TMEM131: variants seen among roughly 807,000 people sequenced by gnomAD.
TMEM131 encodes the protein 2610524E03Rik.
In TMEM131, 66 loss-of-function variants were observed where a neutral mutation model predicts 211.6. That is an observed-to-expected ratio of 0.31 (90% CI 0.26 to 0.38). The LOEUF is 0.38. TMEM131 is among the 10% of genes least tolerant of loss of function. The pLI, the probability that TMEM131 is intolerant of heterozygous loss-of-function variation, is 1.00. For missense variants in TMEM131, 2,036 were observed against 2,299.3 expected (o/e 0.89, Z 2.34); for synonymous variants, 844 against 841.3 (o/e 1.00, Z -0.06).
At chr2:97,948,686 C>T (rs1164434993) in intron 1 of TMEM131, among the ~76,000 whole-genome samples, 1 of 152,052 alleles carries the variant, frequency 6.6e-6, no homozygotes, top group Non-Finnish European at 1.5e-5. Flanking sequence ...GAGACGGAGC[C>T]TCGCGCTGTC....
chr2:97,821,669 A>G (rs560137100), intron 11 of TMEM131, among the ~76,000 whole-genome samples: 1 of 152,320 alleles, frequency 6.6e-6, no homozygotes, highest in East Asian at 1.9e-4. Context: ...GGAAGGGACT[A>G]TCGCCAAGCA....
At chr2:97,979,228 A>G (rs1363934189) in intron 1 of TMEM131, among the ~76,000 whole-genome samples, 5 of 152,262 alleles carry the variant, frequency 3.3e-5, no homozygotes, top group African/African-American at 4.8e-5. Context: ...TAGATTTAGC[A>G]TAATTCTTAA....
intron 1 of TMEM131, among the ~76,000 whole-genome samples, chr2:97,969,773 T>C (rs1573631756): frequency 6.6e-6 from 1 of 152,364 alleles, no homozygotes; most frequent in South Asian, 2.1e-4. Flanking sequence ...CTCCTACAAG[T>C]AGCTGATATC....
At chr2:97,962,498 C>T (rs939145082) in intron 1 of TMEM131, among the ~76,000 whole-genome samples, 3 of 151,566 alleles carry the variant, frequency 2.0e-5, no homozygotes, top group African/African-American at 4.8e-5. Context: ...AGTGAGACTC[C>T]GTCTCAAAAA....
intron 1 of TMEM131, among the ~76,000 whole-genome samples, chr2:97,964,342 G>C (rs1359412713): frequency 6.6e-6 from 1 of 152,166 alleles, no homozygotes; most frequent in Non-Finnish European, 1.5e-5. Flanking sequence ...TTTTGCTCAT[G>C]TCACTTCCTA....
rs1222506501 is a variant in TMEM131 at position 97,797,353 on chromosome 2, C to T, written c.2870+12G>A. On this transcript the variant is annotated intron_variant, in intron 26 of 40. Transcript: ENST00000186436. ...AGTAAAAATGAACCCACACCTATAT[C>T]ACAGAACCTACCTGACTATGATAAG... The T allele has an allele frequency of 1.9e-6, 3 of 1,587,266 alleles. No homozygotes were observed. Among genetic ancestry groups the T allele is most frequent in the Admixed American group, 3.6e-5 (2 of 55,372 alleles).
At chr2:97,777,321 C>T (rs1333427949) in intron 31 of TMEM131, among the ~76,000 whole-genome samples, 1 of 152,248 alleles carries the variant, frequency 6.6e-6, no homozygotes, top group Admixed American at 6.5e-5. Flanking sequence ...TTAATTAAAA[C>T]TCCAATGTTT....
At chr2:97,815,513 A>T (rs1681781546) in intron 12 of TMEM131, among the ~76,000 whole-genome samples, 1 of 152,212 alleles carries the variant, frequency 6.6e-6, no homozygotes, top group Non-Finnish European at 1.5e-5. Context: ...TAATAAGATA[A>T]GCAGATAAGG....
At chr2:97,760,743 C>T in intron 37 of TMEM131, 50 bp downstream of exon 37, 1 of 1,613,910 alleles carries the variant, frequency 6.2e-7, no homozygotes, top group Admixed American at 1.7e-5. Flanking sequence ...GAGGTCATTC[C>T]ACCAGGCCTG....
chr2:97,984,922 C>T (rs1054447548), intron 1 of TMEM131, among the ~76,000 whole-genome samples: 3 of 151,952 alleles, frequency 2.0e-5, no homozygotes, highest in South Asian at 2.1e-4. Flanking sequence ...TATCCCTGGA[C>T]GAGTTTACTA....
chr2:97,805,190 T>C lies in TMEM131; in HGVS notation c.2300A>G (p.Gln767Arg). The part of the protein sequence containing the change: ...PFLSKSEPKV[Q>R]PGVAMQEDMW... ...ATCTTCCTGCATGGCTACACCAGGC[T>C]GCACTTTGGGTTCAGCTAAAACAAG... is the stretch of plus-strand genomic sequence containing the variant. The change falls in exon 22 of 41, where the codon CAG (glutamine) becomes CGG (arginine). Residue 767 changes from glutamine (Q) to arginine (R), a missense_variant. Around this residue, in one of 3 missense-constraint regions of TMEM131, gnomAD observed 1,623 missense variants for 1,805.9 expected, o/e 0.90. Coordinates refer to ENST00000186436, the MANE Select transcript of TMEM131 (RefSeq NM_015348.2). 1 of 1,613,180 alleles carries C rather than the reference T, an allele frequency of 6.2e-7. No homozygotes were observed. The highest frequency in any genetic ancestry group is 8.5e-7 in the Non-Finnish European group (1 of 1,179,612).
chr2:97,803,537 C>T (rs923953209), intron 22 of TMEM131, among the ~76,000 whole-genome samples: 2 of 152,186 alleles, frequency 1.3e-5, no homozygotes, highest in African/African-American at 2.4e-5. Flanking sequence ...TGGGACTAAA[C>T]GCTGAAGCAT....
chr2:97,984,149 T>C (rs1403252968), intron 1 of TMEM131, among the ~76,000 whole-genome samples: 1 of 152,222 alleles, frequency 6.6e-6, no homozygotes. Flanking sequence ...TTCTATTCCA[T>C]TAATTTGTCT....
At chr2:97,923,636 A>AAAAAAAAAAAAG (rs1676846010) in intron 2 of TMEM131, among the ~76,000 whole-genome samples, 15 of 148,284 alleles carry the variant, frequency 1.0e-4, no homozygotes, top group East Asian at 8.1e-4. Context: ...TTTAAAAAAA[A>AAAAAAAAAAAAG]AAAAAAAAAA....
At chr2:97,959,873 G>A (rs182800506) in intron 1 of TMEM131, among the ~76,000 whole-genome samples, 3 of 152,012 alleles carry the variant, frequency 2.0e-5, no homozygotes, top group African/African-American at 7.2e-5. Flanking sequence ...AATTACAACA[G>A]TCCCCCTCAA....
At chr2:97,877,823 A>G (rs1226656358) in intron 4 of TMEM131, among the ~76,000 whole-genome samples, 1 of 152,202 alleles carries the variant, frequency 6.6e-6, no homozygotes, top group Non-Finnish European at 1.5e-5. Context: ...AAAACACCAA[A>G]AGCAATGGCA....
chr2:97,827,310 G>A (rs548228562), intron 11 of TMEM131: 8 of 786,752 alleles, frequency 1.0e-5, no homozygotes, highest in Admixed American at 1.7e-5. Flanking sequence ...AGAGGAGATC[G>A]GCGCGGTTGT....
rs1247565480 is a variant in TMEM131 at position 97,757,340 on chromosome 2, A to C, written c.5411T>G (p.Phe1804Cys). 1.9e-6 allele frequency: 3 copies of C among 1,612,974 alleles called. No individual in the cohort carries two copies. Among genetic ancestry groups the C allele is most frequent in the Non-Finnish European group, 2.5e-6 (3 of 1,179,322 alleles). Residue 1804 changes from phenylalanine to cysteine, a missense_variant, in exon 41 of 41, where the codon TTC (phenylalanine) becomes TGC (cysteine). Around this residue, in one of 3 missense-constraint regions of TMEM131, gnomAD observed 1,623 missense variants for 1,805.9 expected, o/e 0.90. Transcript: ENST00000186436. ...GTTGCTGGACCAAATGGAGCTGCTGAATGGAGTGGTGGACCACAGGCCGCT... is the reference window on the plus strand; with the variant it reads ...GTTGCTGGACCAAATGGAGCTGCTGCATGGAGTGGTGGACCACAGGCCGCT... The part of the protein sequence containing the change: ...NTSGLWSTTP[F>C]SSSIWSSNLS...
At chr2:97,802,339 G>T in intron 24 of TMEM131, 89 bp downstream of exon 24, 1 of 964,870 alleles carries the variant, frequency 1.0e-6, no homozygotes, top group Non-Finnish European at 1.5e-6. Context: ...CTATTAATCT[G>T]TATGAGCTGC....
Sources: allele counts gnomAD v4.1 joint callset (sites outside exome capture counted in the v4.1 genomes callset), GRCh38; gene constraint gnomAD v4.1.1; regional missense constraint gnomAD v4.1.1; transcripts MANE v1.5; gene names NCBI Gene and HGNC (gene_info 2026-07-23, HGNC 2026-07-21).